The following RORA variants were observed in gnomAD, a reference collection of about 807,000 sequenced individuals.
RORA encodes nuclear receptor ROR-alpha.
RORA carries 7 observed loss-of-function variants against 69.5 expected under a neutral mutation model. The ratio of observed to expected loss-of-function variants is 0.10; its 90% CI spans 0.06 to 0.19. The LOEUF is 0.19. Ranked by LOEUF, RORA falls within the 10% of genes least tolerant of loss-of-function variation. The pLI is 1.00. For synonymous variants in RORA, 261 were observed against 240.8 expected, an observed-to-expected ratio of 1.08 and a Z score of -0.78; for missense variants, 457 against 663.0, an observed-to-expected ratio of 0.69 and a Z score of 3.41.
chr15:60,769,075 A>G (rs1350819046), intron 1 of RORA, among the ~76,000 whole-genome samples: 1 of 152,198 alleles, frequency 6.6e-6, no homozygotes, highest in Non-Finnish European at 1.5e-5. Context: ...TAGCGACCAC[A>G]TTTTAGAACG....
Position 60,511,575 on chromosome 15 carries a change from A to G in RORA, c.471T>C (p.Tyr157=), listed in dbSNP as rs202163875. The G allele has an allele frequency of 1.2e-6, 2 of 1,612,786 alleles. No individual in the cohort carries two copies. The highest frequency in any genetic ancestry group is 1.7e-6 in the Non-Finnish European group (2 of 1,179,292). ...GCATCCGGTGTTTCTGTACTTCTGC[A>G]TACAAGCTGTCTCTCTGCTTTTTTG... is the stretch of plus-strand genomic sequence containing the variant. The part of the protein sequence containing the change: ...RMSKKQRDSL[Y]AEVQKHRMQQ... The change falls in exon 5 of 11, where the codon TAT becomes TAC. Residue 157 remains tyrosine, a synonymous_variant. Transcript: ENST00000335670. This position sits in a 1 kb window ranked among gnomAD's most constrained non-coding sequence, Gnocchi z 6.4.
At chr15:60,951,406 A>C (rs1346827088) in intron 1 of RORA, among the ~76,000 whole-genome samples, 2 of 148,940 alleles carry the variant, frequency 1.3e-5, no homozygotes, top group Middle Eastern at 3.2e-3. Context: ...AAACACATTC[A>C]AAAGCTAGCA....
At chr15:60,547,880 T>A (rs1387746375) in intron 2 of RORA, 1 of 152,156 alleles carries the variant, frequency 6.6e-6, no homozygotes, top group Non-Finnish European at 1.5e-5. Context: ...GAAGGGGCAA[T>A]GTTCACGTGG....
chr15:61,131,305 T>C lies in RORA; in HGVS notation c.166+97748A>G, dbSNP rs2079187777. ...CACTCTTTGTGTATTTATCTGTTAA[T>C]AAATAAATCCATGTTTTAAAAGTTT... On this transcript the variant is annotated intron_variant, in intron 1 of 10. Transcript: ENST00000335670. The surrounding 1 kb of genome is among the most constrained non-coding windows in gnomAD (Gnocchi z 4.2). Among the ~76,000 whole-genome samples the C allele has an allele frequency of 6.6e-6, 1 of 152,252 alleles. No homozygotes were observed. The highest frequency in any genetic ancestry group is 1.5e-5 in the Non-Finnish European group (1 of 68,038).
intron 1 of RORA, among the ~76,000 whole-genome samples, chr15:60,868,562 G>C (rs201347410): frequency 7.4e-4 from 113 of 152,250 alleles, no homozygotes; most frequent in East Asian, 6.8e-3. Context: ...GACCAACCCT[G>C]CCTGTGTGGC....
chr15:60,625,915 G>T (rs966784315), intron 2 of RORA, among the ~76,000 whole-genome samples: 2 of 152,164 alleles, frequency 1.3e-5, no homozygotes, highest in African/African-American at 4.8e-5. Context: ...TAATGCTAAT[G>T]GTGTATGAAA....
At chr15:60,950,593 G>A (rs1893061143) in intron 1 of RORA, among the ~76,000 whole-genome samples, 1 of 133,890 alleles carries the variant, frequency 7.5e-6, no homozygotes, top group Non-Finnish European at 1.6e-5. Flanking sequence ...GATGGAGGAA[G>A]ATCTACCAAG....
intron 1 of RORA, among the ~76,000 whole-genome samples, chr15:61,208,704 T>G (rs2079963935): frequency 6.6e-6 from 1 of 152,184 alleles, no homozygotes; most frequent in African/African-American, 2.4e-5. Flanking sequence ...AGGTGAGGTC[T>G]CAGGGTGAAA....
chr15:60,623,101 C>T (rs1198419712), intron 2 of RORA, among the ~76,000 whole-genome samples: 1 of 152,224 alleles, frequency 6.6e-6, no homozygotes. Flanking sequence ...CTGTGTCTTG[C>T]CTCACTTATT....
chr15:61,224,884 A>G (rs2140951588), intron 1 of RORA, among the ~76,000 whole-genome samples: 1 of 152,256 alleles, frequency 6.6e-6, no homozygotes, highest in East Asian at 1.9e-4. Context: ...GAAGGGTCTC[A>G]TCGTTAGGGG....
At chr15:60,576,640 C>T (rs8035221) in intron 2 of RORA, among the ~76,000 whole-genome samples, 2 of 152,132 alleles carry the variant, frequency 1.3e-5, no homozygotes, top group East Asian at 1.9e-4. Context: ...ATCTGTTAGT[C>T]GAGGGCTTAG....
intron 2 of RORA, among the ~76,000 whole-genome samples, chr15:60,666,166 ATT>A (rs142176178): frequency 0.52 from 70,831 of 135,390 alleles, 18,467 homozygotes; most frequent in East Asian, 0.7. Flanking sequence ...TACAAAGATA[ATT>A]TTTTTTTTTT....
At chr15:60,614,533 C>T (rs1567124897) in intron 2 of RORA, among the ~76,000 whole-genome samples, 1 of 152,068 alleles carries the variant, frequency 6.6e-6, no homozygotes, top group Non-Finnish European at 1.5e-5. Flanking sequence ...ATGAGAAAGT[C>T]CCAAGAAAAG....
intron 2 of RORA, chr15:60,592,468 G>A (rs2068557228): frequency 8.0e-6 from 11 of 1,367,882 alleles, no homozygotes; most frequent in East Asian, 6.4e-5. Context: ...CGACCCCGGA[G>A]CCCCCTCTGC....
At chr15:60,765,387 C>T (rs2071971680) in intron 1 of RORA, 1 of 152,000 alleles carries the variant, frequency 6.6e-6, no homozygotes, top group Non-Finnish European at 1.5e-5. Flanking sequence ...ACAATCCTAC[C>T]TAATTCTACT....
chr15:60,850,527 G>C (rs2073313001), intron 1 of RORA, among the ~76,000 whole-genome samples: 1 of 152,162 alleles, frequency 6.6e-6, no homozygotes, highest in African/African-American at 2.4e-5. Context: ...ATATCCTCCT[G>C]AGAGGGTTTG....
chr15:61,201,440 G>A (rs1206924555), intron 1 of RORA, among the ~76,000 whole-genome samples: 8 of 152,190 alleles, frequency 5.3e-5, no homozygotes, highest in Admixed American at 3.3e-4. Context: ...AAAAACAGGT[G>A]AAGATATGAA....
intron 1 of RORA, among the ~76,000 whole-genome samples, chr15:61,051,682 G>C (rs1365377848): frequency 6.6e-6 from 1 of 152,194 alleles, no homozygotes; most frequent in African/African-American, 2.4e-5. Context: ...GCATCCCAGA[G>C]AGTGGGAGAG....
At chr15:60,550,100 GGCCAAGATGGT>G (rs1383442014) in intron 2 of RORA, among the ~76,000 whole-genome samples, 1 of 152,182 alleles carries the variant, frequency 6.6e-6, no homozygotes, top group Non-Finnish European at 1.5e-5. Flanking sequence ...AGACCAGCCT[GGCCAAGATGGT>G]GAAATCCCAT....
Sources: gnomAD v4.1 joint callset for allele counts (sites outside exome capture counted in the v4.1 genomes callset) on GRCh38, gnomAD v4.1.1 for gene constraint, Gnocchi (gnomAD v3.1) non-coding constraint, MANE v1.5 for transcripts, NCBI Gene and HGNC (gene_info 2026-07-23, HGNC 2026-07-21) for gene names.